Variants in TEX9 observed in about 807,000 individuals in gnomAD.
TEX9 encodes the protein testis-expressed protein 9.
A neutral mutation model predicts 59.6 loss-of-function variants in TEX9; 74 were observed. That is an observed-to-expected ratio of 1.24 (90% confidence interval 1.03 to 1.51). The LOEUF (loss-of-function observed/expected upper bound fraction) is 1.51, where lower values mean the gene tolerates loss of function less well. Among genes scored for constraint, TEX9 ranks in the 40% most tolerant of loss-of-function variants. The probability of loss-of-function intolerance (pLI) is 0.00; values close to 1 mark genes in which losing one functional copy is unlikely to be tolerated. For missense variants in TEX9, 522 were observed against 447.8 expected (o/e 1.17, Z -1.49); for synonymous variants, 186 against 152.2 (o/e 1.22, Z -1.64).
chr15:56,447,590 A>C (rs1477636436), downstream of TEX9: 1 of 152,204 alleles, frequency 6.6e-6, no homozygotes, highest in Non-Finnish European at 1.5e-5. Context: ...CAGAAATACA[A>C]TTAATGTTTA....
chr15:56,415,130 T>C (rs529119557), intron 10 of TEX9, among the ~76,000 whole-genome samples: 1 of 152,020 alleles, frequency 6.6e-6, no homozygotes, highest in East Asian at 1.9e-4. Context: ...AGAAGCTGGA[T>C]ATCAGACCTT....
intron 1 of TEX9, among the ~76,000 whole-genome samples, chr15:56,247,687 T>A (rs1264247186): frequency 6.6e-6 from 1 of 152,210 alleles, no homozygotes; most frequent in Non-Finnish European, 1.5e-5. Flanking sequence ...GATCGTTCTA[T>A]CAAAGGAAGG....
chr15:56,290,242 G>A (rs2045056629), intron 1 of TEX9, among the ~76,000 whole-genome samples: 1 of 152,094 alleles, frequency 6.6e-6, no homozygotes, highest in East Asian at 1.9e-4. Flanking sequence ...GGAGGGTCAT[G>A]CACTCACATC....
At chr15:56,455,138 AG>A in the TEX9 span, among the ~76,000 whole-genome samples, 1 of 151,444 alleles carries the variant, frequency 6.6e-6, no homozygotes, top group South Asian at 2.1e-4. Context: ...TTTTCTCAGG[AG>A]GAACATTTAT....
At chr15:56,319,763 A>G (rs1047743722) in intron 1 of TEX9, among the ~76,000 whole-genome samples, 2 of 152,170 alleles carry the variant, frequency 1.3e-5, no homozygotes, top group Admixed American at 6.5e-5. Context: ...CCCAGTTTGT[A>G]TGAGCCAGTG....
intron 1 of TEX9, among the ~76,000 whole-genome samples, chr15:56,252,744 C>G (rs975528588): frequency 6.6e-6 from 1 of 152,036 alleles, no homozygotes; most frequent in African/African-American, 2.4e-5. Flanking sequence ...GGAGATCCCC[C>G]GGGCTTCCAA....
intron 1 of TEX9, among the ~76,000 whole-genome samples, chr15:56,326,340 A>G (rs1264189467): frequency 2.0e-5 from 3 of 152,166 alleles, no homozygotes. Context: ...CCCACACCAC[A>G]GCTTCAAAAC....
chr15:56,361,445 A>T (rs1261222350), upstream of TEX9, among the ~76,000 whole-genome samples: 1 of 152,152 alleles, frequency 6.6e-6, no homozygotes, highest in Non-Finnish European at 1.5e-5. Flanking sequence ...CTAGATATTT[A>T]CTTGATCCAT....
chr15:56,389,288 T>G, intron 5 of TEX9, 30 bp from the exon 6 acceptor site: 1 of 1,548,574 alleles, frequency 6.5e-7, no homozygotes, highest in Non-Finnish European at 8.9e-7. Context: ...AGACTCTAAT[T>G]AGTCAATACT....
chr15:56,282,199 C>A (rs2044835195), intron 1 of TEX9, among the ~76,000 whole-genome samples: 1 of 152,088 alleles, frequency 6.6e-6, no homozygotes, highest in East Asian at 1.9e-4. Context: ...AAATATTTTT[C>A]TATTTGTAGA....
chr15:56,373,254 A>T (rs1238730576), intron 2 of TEX9, among the ~76,000 whole-genome samples, 187 bp from the exon 3 acceptor site: 1 of 152,240 alleles, frequency 6.6e-6, no homozygotes, highest in Non-Finnish European at 1.5e-5. Flanking sequence ...AGTTCCTACT[A>T]CAAGGAAGGA....
intron 9 of TEX9, among the ~76,000 whole-genome samples, chr15:56,406,158 A>G (rs1252141725): frequency 6.6e-6 from 1 of 152,146 alleles, no homozygotes; most frequent in African/African-American, 2.4e-5. Context: ...ATATTTTTTC[A>G]CTACAAATTA....
At chr15:56,456,611 G>A in the TEX9 span, 1 of 1,267,756 alleles carries the variant, frequency 7.9e-7, no homozygotes, top group Non-Finnish European at 1.1e-6. Flanking sequence ...AAAACTAAAT[G>A]CCTTAAGGCC....
intron 7 of TEX9, chr15:56,393,903 A>T (rs2048330107): frequency 7.9e-6 from 2 of 252,700 alleles, no homozygotes; most frequent in Non-Finnish European, 1.5e-5. Context: ...AATCTGATGT[A>T]GTTTGGACCA....
intron 12 of TEX9, chr15:56,429,338 A>G: frequency 1.7e-6 from 1 of 580,770 alleles, no homozygotes; most frequent in South Asian, 2.4e-5. Flanking sequence ...TAAAAAAATC[A>G]ATACTTTTCA....
At chr15:56,392,636 TATA>T (rs2048270225) in intron 7 of TEX9, among the ~76,000 whole-genome samples, 1 of 130,196 alleles carries the variant, frequency 7.7e-6, no homozygotes, top group Non-Finnish European at 1.8e-5. Context: ...AATTTATATG[TATA>T]ATAATTATTG....
At chr15:56,359,408 C>G (rs2046749905) in intron 1 of TEX9, among the ~76,000 whole-genome samples, 1 of 152,092 alleles carries the variant, frequency 6.6e-6, no homozygotes, top group African/African-American at 2.4e-5. Context: ...TGTTTTCTGT[C>G]TCTATGAATT....
chr15:56,432,847 T>C (rs1056794667), intron 12 of TEX9, among the ~76,000 whole-genome samples: 14 of 152,200 alleles, frequency 9.2e-5, no homozygotes, highest in African/African-American at 3.1e-4. Context: ...TGACTCCTAC[T>C]TTGTATAGTT....
chr15:56,334,804 A>T (rs1356041573), intron 1 of TEX9, among the ~76,000 whole-genome samples: 1 of 152,198 alleles, frequency 6.6e-6, no homozygotes, highest in Non-Finnish European at 1.5e-5. Context: ...ACAACTCCAT[A>T]GGAAAAAAAT....
Sources: gnomAD v4.1 joint callset for allele counts (sites outside exome capture counted in the v4.1 genomes callset) on GRCh38, gnomAD v4.1.1 for gene constraint, MANE v1.5 for transcripts, NCBI Gene and HGNC (gene_info 2026-07-23, HGNC 2026-07-21) for gene names.